Variants in ZNF223 observed in about 807,000 individuals in gnomAD.
The protein encoded by ZNF223 is zinc finger protein 223, also known as Homo sapiens zinc finger protein 223.
A neutral mutation model predicts 12.3 loss-of-function variants in ZNF223; 9 were observed. That is an observed-to-expected ratio of 0.73 (90% CI 0.44 to 1.28). The LOEUF (loss-of-function observed/expected upper bound fraction) is 1.28. Ranked by LOEUF, ZNF223 falls within the 50% of genes most tolerant of loss-of-function variation. ZNF223 has a pLI of 0.00. For missense variants in ZNF223, 506 were observed against 579.0 expected (o/e 0.87, Z 1.29); for synonymous variants, 171 against 195.2 (o/e 0.88, Z 1.03).
At chr19:44,063,281 G>A (rs992961181) in intron 4 of ZNF223, 5 of 152,264 alleles carry the variant, frequency 3.3e-5, no homozygotes, top group Non-Finnish European at 7.3e-5. Flanking sequence ...GTGTGCAAGC[G>A]AGCAAGTGCA....
intron 4 of ZNF223, 79 bp from the exon 5 acceptor site, chr19:44,065,985 C>T (rs1976904119): frequency 1.3e-6 from 2 of 1,507,960 alleles, no homozygotes; most frequent in African/African-American, 1.4e-5. Flanking sequence ...AAGTTTCATA[C>T]CATGTCCTAA....
chr19:44,062,821 G>A (rs1239313198), intron 4 of ZNF223, among the ~76,000 whole-genome samples: 2 of 152,244 alleles, frequency 1.3e-5, no homozygotes, highest in East Asian at 3.9e-4. Flanking sequence ...TTCCAAAGTC[G>A]GCCCACACTT....
intron 2 of ZNF223, among the ~76,000 whole-genome samples, chr19:44,056,847 G>A (rs992996745): frequency 6.6e-6 from 1 of 151,702 alleles, no homozygotes; most frequent in African/African-American, 2.4e-5. Flanking sequence ...TGCCTGCCTC[G>A]GCCTCCCAAA....
chr19:44,056,584 C>CTTTTTTTTTTTTTTTTTTT (rs1568512087), intron 2 of ZNF223, among the ~76,000 whole-genome samples: 1 of 78,372 alleles, frequency 1.3e-5, no homozygotes, highest in African/African-American at 5.7e-5. Flanking sequence ...AATGCCTCAC[C>CTTTTTTTTTTTTTTTTTTT]ATTTTTTTTT....
At chr19:44,060,862 T>C in intron 4 of ZNF223, 21 bp downstream of exon 4, 3 of 1,597,466 alleles carry the variant, frequency 1.9e-6, no homozygotes, top group Non-Finnish European at 2.6e-6. Context: ...CGCAACTGTG[T>C]GTCCTTGTTT....
chr19:44,057,518 A>G lies in ZNF223; in HGVS notation c.15+2327A>G, dbSNP rs576645697. Reference sequence around the variant, plus strand: ...GGTAATAACAGTAATAAGTAATACCAGCTAATGTTCATTAAACAGTCTGTG... The same window carrying G: ...GGTAATAACAGTAATAAGTAATACCGGCTAATGTTCATTAAACAGTCTGTG... On this transcript the variant is annotated intron_variant, in intron 2 of 4. Coordinates refer to ENST00000434772, the MANE Select transcript of ZNF223 (RefSeq NM_013361.6). Among the ~76,000 whole-genome samples, 63 of 152,338 alleles carry G rather than the reference A, an allele frequency of 4.1e-4. No homozygotes were observed. In the South Asian group the frequency reaches 0.013, roughly 31 times the overall value.
At chr19:44,060,380 TGGCC>T in intron 2 of ZNF223, 71 bp from the exon 3 acceptor site, 1 of 1,576,758 alleles carries the variant, frequency 6.3e-7, no homozygotes, top group Non-Finnish European at 8.6e-7. Context: ...TTTTTCCTCT[TGGCC>T]TCCTCAATGT....
Position 44,067,013 on chromosome 19 carries a change from A to T in ZNF223, c.1185A>T (p.Thr395=). The change falls in exon 5 of 5, where the codon ACA becomes ACT. Residue 395 remains threonine, a synonymous_variant. Transcript: ENST00000434772. ...TTGACTTGCACCATAGAGCCCACAC[A>T]GGAGAGAGACCTTATAACTGTGATG... ...SGLDLHHRAH[T]GERPYNCDDC... is the part of the protein sequence containing the mutation. The T allele has an allele frequency of 6.2e-7, 1 of 1,613,188 alleles. No individual in the cohort carries two copies. The highest frequency in any genetic ancestry group is 8.5e-7 in the Non-Finnish European group (1 of 1,179,200).
chr19:44,060,261 C>T, intron 2 of ZNF223, 194 bp from the exon 3 acceptor site: 1 of 972,918 alleles, frequency 1.0e-6, no homozygotes, highest in South Asian at 1.9e-5. Flanking sequence ...CGTTGGACTT[C>T]TGATGACGCT....
intron 4 of ZNF223, 119 bp downstream of exon 4, chr19:44,060,960 C>T (rs1433078086): frequency 9.8e-7 from 1 of 1,020,946 alleles, no homozygotes; most frequent in African/African-American, 1.6e-5. Context: ...TTATGATAAC[C>T]TCCTTCCAGC....
At position 44,059,238 on chromosome 19, in the gene ZNF223, G is replaced by A. The variant is rs190158137; in HGVS notation, c.16-1217G>A. On this transcript the variant is annotated intron_variant, in intron 2 of 4. Transcript: ENST00000434772. ...CTCATCCAGTCCTGGTTTTCATTAT[G>A]TGGAACATTTCTCATCCAGGTAATC... 5.5e-4 allele frequency among the ~76,000 whole-genome samples: 84 copies of A among 152,312 alleles called. 1 individual carries two copies. Among genetic ancestry groups the A allele is most frequent in the African/African-American group, 1.9e-3 (78 of 41,568 alleles).
intron 4 of ZNF223, among the ~76,000 whole-genome samples, chr19:44,065,082 C>T (rs1976888131): frequency 6.6e-6 from 1 of 152,066 alleles, no homozygotes; most frequent in African/African-American, 2.4e-5. Context: ...ATTTCCCATC[C>T]CCCAAAGCTG....
At position 44,067,864 on chromosome 19, in the gene ZNF223, C is replaced by T. The variant is rs1415619816; in HGVS notation, c.*587C>T. 2 of 181,548 alleles carry T rather than the reference C, an allele frequency of 1.1e-5. No homozygotes were observed. Among genetic ancestry groups the T allele is most frequent in the African/African-American group, 2.4e-5 (1 of 42,004 alleles). 11.2% of individuals were successfully genotyped at this position (181,548 alleles called of 1,614,324 possible). A position where few individuals can be genotyped will look rare whatever the true frequency, so the allele number is the denominator to read the frequency against. On this transcript the variant is annotated 3_prime_UTR_variant, in exon 5 of 5. Coordinates refer to ENST00000434772, the MANE Select transcript of ZNF223 (RefSeq NM_013361.6). ...TCTTTGTATTTTTGCTGCATCCTTA[C>T]ATTGCTTGAGTCTGGAAGATTGAGG...
chr19:44,056,078 T>C (rs867239253), intron 2 of ZNF223, among the ~76,000 whole-genome samples: 8 of 152,200 alleles, frequency 5.3e-5, no homozygotes, highest in South Asian at 2.1e-4. Flanking sequence ...GCGCTGCTTC[T>C]CCCTGTCCTG....
At chr19:44,052,864 G>A (rs1367804549) in intron 1 of ZNF223, among the ~76,000 whole-genome samples, 1 of 151,856 alleles carries the variant, frequency 6.6e-6, no homozygotes, top group Non-Finnish European at 1.5e-5. Flanking sequence ...TACTGTTACC[G>A]ATTACATGTC....
At chr19:44,060,213 C>CA (rs1976818512) in intron 2 of ZNF223, among the ~76,000 whole-genome samples, 1 of 152,170 alleles carries the variant, frequency 6.6e-6, no homozygotes, top group South Asian at 2.1e-4. Flanking sequence ...CAAGTAAACT[C>CA]AATGAGTTCA....
chr19:44,051,961 A>T (rs1170732857), upstream of ZNF223: 1 of 152,182 alleles, frequency 6.6e-6, no homozygotes, highest in Non-Finnish European at 1.5e-5. Context: ...CCTTTGGCTC[A>T]GGGGGGCGGG....
At position 44,067,452 on chromosome 19, in the gene ZNF223, C is replaced by A; in HGVS notation, c.*175C>A. The A allele has an allele frequency of 1.2e-6, 1 of 814,426 alleles. No homozygotes were observed. Among genetic ancestry groups the A allele is most frequent in the Non-Finnish European group, 2.0e-6 (1 of 497,942 alleles). The allele number at this position is 814,426 out of a possible 1,614,324, so 50.4% of individuals were successfully genotyped here. Reference sequence around the variant, plus strand: ...AAAATAAATTGTTGTCGATGATAGTCACCTTTAGTGCTGCAGAACAGCAGA... The same window carrying A: ...AAAATAAATTGTTGTCGATGATAGTAACCTTTAGTGCTGCAGAACAGCAGA... On this transcript the variant is annotated 3_prime_UTR_variant, in exon 5 of 5. Transcript: ENST00000434772.
Position 44,067,005 on chromosome 19 carries a change from G to C in ZNF223, c.1177G>C (p.Ala393Pro). ...TKSGLDLHHR[A>P]HTGERPYNCD... ...GTCAGGTCTTGACTTGCACCATAGAGCCCACACAGGAGAGAGACCTTATAA... is the reference window on the plus strand; with the variant it reads ...GTCAGGTCTTGACTTGCACCATAGACCCCACACAGGAGAGAGACCTTATAA... The change falls in exon 5 of 5, where the codon GCC becomes CCC. Residue 393 changes from alanine (A) to proline (P), a missense_variant. Ala to Pro is a conservative substitution (Grantham distance 27). Transcript: ENST00000434772. The C allele has an allele frequency of 6.2e-7, 1 of 1,612,920 alleles. No individual in the cohort carries two copies.
Sources: allele counts gnomAD v4.1 joint callset (sites outside exome capture counted in the v4.1 genomes callset), GRCh38; gene constraint gnomAD v4.1.1; transcripts MANE v1.5; gene names NCBI Gene and HGNC (gene_info 2026-07-23, HGNC 2026-07-21).